Variants in CACNA2D1 observed in about 807,000 individuals in gnomAD.
CACNA2D1 encodes the protein voltage-dependent calcium channel subunit alpha-2/delta-1.
In CACNA2D1, 53 loss-of-function variants were observed where a neutral mutation model predicts 171.5. The observed-to-expected ratio is 0.31, with a 90% CI of 0.25 to 0.39. The LOEUF (loss-of-function observed/expected upper bound fraction) is 0.39, where lower values mean the gene tolerates loss of function less well. Ranked by LOEUF, CACNA2D1 falls within the 10% of genes least tolerant of loss-of-function variation. The probability of loss-of-function intolerance (pLI) is 1.00; values close to 1 mark genes in which losing one functional copy is unlikely to be tolerated. For synonymous variants in CACNA2D1, 442 were observed against 443.1 expected (o/e 1.00, Z 0.03); for missense variants, 903 against 1,299.8 (o/e 0.69, Z 4.69).
At chr7:82,067,697 TGA>T (rs1807824857) in intron 7 of CACNA2D1, among the ~76,000 whole-genome samples, 1 of 152,186 alleles carries the variant, frequency 6.6e-6, no homozygotes, top group Admixed American at 6.5e-5. Context: ...TTGCAGAAAG[TGA>T]GAGTCTGCGA....
Position 82,377,469 on chromosome 7 carries a change from G to A in CACNA2D1, c.96-27820C>T, listed in dbSNP as rs144173780. 3.0e-3 allele frequency among the ~76,000 whole-genome samples: 456 copies of A among 152,206 alleles called. 1 individual carries two copies. The highest frequency in any genetic ancestry group is 0.01 in the African/African-American group (420 of 41,504). ...GGCAGAAAAATCTAATAAAAATTAT[G>A]AGAGGAATTATTTTGGCTTTTTCTC... On this transcript the variant is annotated intron_variant, in intron 1 of 38. Transcript: ENST00000356860.
intron 3 of CACNA2D1, among the ~76,000 whole-genome samples, chr7:82,250,213 G>C (rs1428947988): frequency 6.6e-6 from 1 of 152,178 alleles, no homozygotes; most frequent in African/African-American, 2.4e-5. Flanking sequence ...CCTCCCAACA[G>C]TGCTACATTG....
chr7:82,373,040 T>C (rs1288182454), intron 1 of CACNA2D1, among the ~76,000 whole-genome samples: 1 of 152,060 alleles, frequency 6.6e-6, no homozygotes, highest in African/African-American at 2.4e-5. Flanking sequence ...CAAAATTACC[T>C]GGGCATGGTG....
chr7:82,359,352 T>C (rs982580720), intron 1 of CACNA2D1, among the ~76,000 whole-genome samples: 1 of 152,144 alleles, frequency 6.6e-6, no homozygotes. Flanking sequence ...ATGGTAAAAA[T>C]TTCCTTATTT....
intron 10 of CACNA2D1, among the ~76,000 whole-genome samples, chr7:82,045,047 AGCTGCATTTTTGTAT>A (rs1385114919): frequency 1.3e-5 from 2 of 152,108 alleles, no homozygotes; most frequent in African/African-American, 2.4e-5. Flanking sequence ...ACTGTGACTT[AGCTGCATTTTTGTAT>A]GTTTAGTATG....
At chr7:81,997,396 T>A (rs991548232) in intron 18 of CACNA2D1, 146 bp from the exon 19 acceptor site, 19 of 423,480 alleles carry the variant, frequency 4.5e-5, no homozygotes, top group Non-Finnish European at 5.4e-5. Context: ...CATATATATT[T>A]TATATATATA....
intron 12 of CACNA2D1, among the ~76,000 whole-genome samples, chr7:82,014,780 G>A (rs771483625): frequency 2.0e-5 from 3 of 152,122 alleles, no homozygotes; most frequent in Non-Finnish European, 4.4e-5. Context: ...ATGGCCAGAC[G>A]CAGTGGCTCA....
intron 3 of CACNA2D1, among the ~76,000 whole-genome samples, chr7:82,256,230 G>T (rs1316860849): frequency 1.3e-5 from 2 of 152,102 alleles, no homozygotes; most frequent in African/African-American, 4.8e-5. Context: ...GGAGGCGGAG[G>T]TTGCAGTGAG....
intron 6 of CACNA2D1, among the ~76,000 whole-genome samples, chr7:82,110,331 GTGGCCTCA>G (rs1788226233): frequency 6.6e-6 from 1 of 152,094 alleles, no homozygotes; most frequent in Non-Finnish European, 1.5e-5. Context: ...AATAGGATTA[GTGGCCTCA>G]TGAGAAAAGA....
intron 1 of CACNA2D1, among the ~76,000 whole-genome samples, chr7:82,400,718 A>G (rs1160134089): frequency 1.3e-5 from 2 of 151,870 alleles, no homozygotes; most frequent in African/African-American, 4.8e-5. Context: ...ATCTAATTAA[A>G]CTAAAGAGCT....
At chr7:82,103,843 G>A (rs1056991081) in intron 6 of CACNA2D1, among the ~76,000 whole-genome samples, 2 of 151,966 alleles carry the variant, frequency 1.3e-5, no homozygotes, top group African/African-American at 4.8e-5. Flanking sequence ...TGGCTTTATT[G>A]TGGCCTAATG....
At chr7:82,085,653 G>C (rs1205785286) in intron 6 of CACNA2D1, among the ~76,000 whole-genome samples, 1 of 151,512 alleles carries the variant, frequency 6.6e-6, no homozygotes, top group African/African-American at 2.4e-5. Flanking sequence ...AAACAAACTA[G>C]TTGACACTTT....
intron 3 of CACNA2D1, among the ~76,000 whole-genome samples, chr7:82,330,973 G>A (rs1295483730): frequency 6.6e-6 from 1 of 151,998 alleles, no homozygotes; most frequent in Admixed American, 6.6e-5. Context: ...ATGCTTGGTG[G>A]CTTATAAGAA....
rs182189621 is a variant in CACNA2D1, at chr7:82,078,037, A to G, written c.658+6732T>C. Reference sequence around the variant, plus strand: ...ATGGAAAAAAAAAGTCATTCCATATACTTTGTAAGAGATTCTTTTGCATTT... The same window carrying G: ...ATGGAAAAAAAAAGTCATTCCATATGCTTTGTAAGAGATTCTTTTGCATTT... On this transcript the variant is annotated intron_variant, in intron 7 of 38. Coordinates refer to ENST00000356860, the MANE Select transcript of CACNA2D1 (RefSeq NM_000722.4). Among the ~76,000 whole-genome samples, 628 of 152,250 alleles carry G rather than the reference A, an allele frequency of 4.1e-3. 3 individuals carry two copies. Among genetic ancestry groups the G allele is most frequent in the African/African-American group, 0.015 (605 of 41,556 alleles).
At chr7:82,265,799 C>T (rs955352883) in intron 3 of CACNA2D1, among the ~76,000 whole-genome samples, 4 of 152,162 alleles carry the variant, frequency 2.6e-5, no homozygotes, top group South Asian at 2.1e-4. Context: ...CAATCATTGC[C>T]CTCTTTATTT....
chr7:82,108,583 T>C (rs1485637684), intron 6 of CACNA2D1, among the ~76,000 whole-genome samples: 1 of 152,192 alleles, frequency 6.6e-6, no homozygotes, highest in East Asian at 1.9e-4. Context: ...CTAATTGGTC[T>C]GCTGTTCTGT....
chr7:81,953,609 C>A (rs144721888), intron 38 of CACNA2D1, among the ~76,000 whole-genome samples: 1 of 151,572 alleles, frequency 6.6e-6, no homozygotes, highest in Middle Eastern at 3.2e-3. Flanking sequence ...AGAAGAGTGG[C>A]TAGATACATA....
chr7:82,097,966 T>C (rs1029983046), intron 6 of CACNA2D1, among the ~76,000 whole-genome samples: 2 of 151,706 alleles, frequency 1.3e-5, no homozygotes, highest in Non-Finnish European at 2.9e-5. Flanking sequence ...ATACAAAAAT[T>C]ACTCGGGCAT....
At chr7:82,314,808 C>G (rs748569905) in intron 3 of CACNA2D1, among the ~76,000 whole-genome samples, 82 of 152,070 alleles carry the variant, frequency 5.4e-4, no homozygotes, top group Non-Finnish European at 2.8e-4. Flanking sequence ...ATAAACTTAT[C>G]CGTCATTATG....
Sources: allele counts gnomAD v4.1 joint callset (sites outside exome capture counted in the v4.1 genomes callset), GRCh38; gene constraint gnomAD v4.1.1; transcripts MANE v1.5; gene names NCBI Gene and HGNC (gene_info 2026-07-23, HGNC 2026-07-21).